CTNNA3: variants seen among roughly 807,000 people sequenced by gnomAD.
CTNNA3 encodes the protein catenin alpha 3, also known as catenin alpha-3.
In CTNNA3, 76 loss-of-function variants were observed where a neutral mutation model predicts 95.7. That is an observed-to-expected ratio of 0.79 (90% confidence interval 0.66 to 0.96). The LOEUF (loss-of-function observed/expected upper bound fraction) is 0.96, where lower values mean the gene tolerates loss of function less well. Among genes scored for constraint, CTNNA3 ranks in the 40% least tolerant of loss-of-function variants. The probability of loss-of-function intolerance (pLI) is 0.00; values close to 1 mark genes in which losing one functional copy is unlikely to be tolerated. For synonymous variants in CTNNA3, 431 were observed against 374.4 expected (o/e 1.15, Z -1.74); for missense variants, 1,191 against 1,089.8 (o/e 1.09, Z -1.31).
chr10:66,534,476 ATATATATATATATATATATATATATG>A (rs1429699553), intron 10 of CTNNA3, among the ~76,000 whole-genome samples: 2 of 694 alleles, frequency 2.9e-3, no homozygotes, highest in African/African-American at 0.011. Context: ...AATCATATAT[ATATATATATATATATATATATATATG>A]TATATATATG....
At chr10:67,211,608 G>A (rs1160459209) in intron 6 of CTNNA3, among the ~76,000 whole-genome samples, 1 of 152,064 alleles carries the variant, frequency 6.6e-6, no homozygotes, top group East Asian at 1.9e-4. Flanking sequence ...TTGCTAGGCG[G>A]TGACAATATA....
At chr10:66,722,188 C>T (rs1848649030) in intron 9 of CTNNA3, among the ~76,000 whole-genome samples, 13 of 151,954 alleles carry the variant, frequency 8.6e-5, no homozygotes, top group Admixed American at 8.5e-4. Context: ...ACCATCATGG[C>T]TAACATGGTG....
intron 5 of CTNNA3, among the ~76,000 whole-genome samples, chr10:67,367,051 A>G (rs746137495): frequency 2.6e-5 from 4 of 152,186 alleles, no homozygotes; most frequent in Non-Finnish European, 4.4e-5. Context: ...ATTTATGGCT[A>G]AGTCCTGCAA....
intron 7 of CTNNA3, among the ~76,000 whole-genome samples, chr10:67,079,858 AACACAC>A (rs199928311): frequency 0.065 from 9,244 of 141,158 alleles, 407 homozygotes; most frequent in African/African-American, 0.12. Flanking sequence ...AAAAAAACAA[AACACAC>A]ACACACACAC....
rs149705667 is a variant in CTNNA3 at position 67,032,882 on chromosome 10, A to C, written c.1047+147435T>G. On this transcript the variant is annotated intron_variant, in intron 7 of 17. Transcript: ENST00000433211. The stretch of plus-strand genomic sequence containing the variant: ...TTTCAGCTGTATATTAAAACAACTA[A>C]GGTTTTGGTACTGCATAATGACATT... Among the ~76,000 whole-genome samples the C allele has an allele frequency of 2.6e-3, 393 of 152,318 alleles. 2 individuals carry two copies. The highest frequency in any genetic ancestry group is 8.7e-3 in the African/African-American group (361 of 41,574).
At chr10:67,584,377 G>A (rs1356575310) in intron 3 of CTNNA3, among the ~76,000 whole-genome samples, 3 of 152,160 alleles carry the variant, frequency 2.0e-5, no homozygotes, top group Non-Finnish European at 4.4e-5. Context: ...AGGCTACAGA[G>A]CAGCAAATAT....
chr10:66,978,394 G>A (rs1850187375), intron 7 of CTNNA3, among the ~76,000 whole-genome samples: 2 of 151,288 alleles, frequency 1.3e-5, no homozygotes, highest in South Asian at 4.2e-4. Flanking sequence ...GGGCGTGGTG[G>A]TGGGCGCCTG....
At position 65,912,570 on chromosome 10, in the gene CTNNA3, T is replaced by C. The variant is rs192118295; in HGVS notation, c.*7760A>G. The C allele has an allele frequency of 6.6e-4, 100 of 152,304 alleles. No individual in the cohort carries two copies. The highest frequency in any genetic ancestry group is 3.5e-4 in the Non-Finnish European group (24 of 68,026). The allele number at this position is 152,304 out of a possible 1,614,324, so 9.4% of individuals were successfully genotyped here. On this transcript the variant is annotated 3_prime_UTR_variant, in exon 18 of 18. Coordinates refer to ENST00000433211, the MANE Select transcript of CTNNA3 (RefSeq NM_013266.4). ...TTATTGCTTTAACACACATTTTAAT[T>C]TTCAGTTGAACAAATTCTTAATGAG...
chr10:67,488,145 CTGTT>C (rs1459527383), intron 5 of CTNNA3, among the ~76,000 whole-genome samples: 10 of 151,964 alleles, frequency 6.6e-5, no homozygotes, highest in East Asian at 1.9e-4. Flanking sequence ...GGGTAACAGA[CTGTT>C]TGGGGAGGAG....
At chr10:67,680,232 G>A (rs1322128220) in intron 1 of CTNNA3, among the ~76,000 whole-genome samples, 1 of 152,148 alleles carries the variant, frequency 6.6e-6, no homozygotes, top group Non-Finnish European at 1.5e-5. Context: ...AAAGGTCCAG[G>A]GGGTCTCAAG....
At chr10:66,097,171 A>C (rs552603953) in intron 14 of CTNNA3, among the ~76,000 whole-genome samples, 5 of 152,130 alleles carry the variant, frequency 3.3e-5, no homozygotes, top group Middle Eastern at 3.2e-3. Context: ...TTCTTGAGGC[A>C]AAAAATAATT....
chr10:67,116,069 C>T (rs1195041576), intron 7 of CTNNA3, among the ~76,000 whole-genome samples: 6 of 151,874 alleles, frequency 4.0e-5, no homozygotes, highest in Non-Finnish European at 7.4e-5. Context: ...CCAGATCCAA[C>T]TAGATGAGTC....
intron 9 of CTNNA3, among the ~76,000 whole-genome samples, chr10:66,697,865 C>T (rs903291346): frequency 3.3e-5 from 5 of 152,042 alleles, no homozygotes; most frequent in Admixed American, 2.0e-4. Flanking sequence ...TGGTTCCAAT[C>T]GCCTCATAAG....
intron 13 of CTNNA3, among the ~76,000 whole-genome samples, chr10:66,108,584 A>T (rs1185877753): frequency 1.3e-5 from 2 of 151,960 alleles, no homozygotes; most frequent in Non-Finnish European, 2.9e-5. Context: ...TTTTCACCTA[A>T]AATTATATTT....
At chr10:66,298,587 C>T (rs1018236993) in intron 12 of CTNNA3, among the ~76,000 whole-genome samples, 1 of 152,140 alleles carries the variant, frequency 6.6e-6, no homozygotes, top group African/African-American at 2.4e-5. Context: ...CCTGAATTTT[C>T]TCTCAGGAAA....
At chr10:67,307,345 C>T (rs1229985008) in intron 5 of CTNNA3, among the ~76,000 whole-genome samples, 1 of 152,136 alleles carries the variant, frequency 6.6e-6, no homozygotes, top group Non-Finnish European at 1.5e-5. Context: ...ATTATACGGG[C>T]AGTAATGCTA....
At chr10:66,084,801 C>T (rs1019026340) in intron 14 of CTNNA3, 5 of 152,024 alleles carry the variant, frequency 3.3e-5, no homozygotes, top group African/African-American at 9.7e-5. Context: ...TTCAATGGCA[C>T]GTTTCAATGT....
chr10:66,393,242 AG>A (rs2092947956), intron 11 of CTNNA3, among the ~76,000 whole-genome samples: 1 of 152,114 alleles, frequency 6.6e-6, no homozygotes, highest in Non-Finnish European at 1.5e-5. Flanking sequence ...GGTAGAGCGT[AG>A]GGGATTTTTC....
upstream of CTNNA3, among the ~76,000 whole-genome samples, chr10:67,696,762 A>G (rs529728372): frequency 4.0e-5 from 6 of 149,750 alleles, no homozygotes; most frequent in South Asian, 1.3e-3. Context: ...CTCTATGACT[A>G]TTCTTTTTCA....
Sources: allele counts gnomAD v4.1 joint callset (sites outside exome capture counted in the v4.1 genomes callset), GRCh38; gene constraint gnomAD v4.1.1; transcripts MANE v1.5; gene names NCBI Gene and HGNC (gene_info 2026-07-23, HGNC 2026-07-21).